The following ZFHX3 variants were observed in gnomAD, a reference collection of about 807,000 sequenced individuals.
ZFHX3 encodes zinc finger homeobox protein 3.
Under a neutral mutation model 279.1 loss-of-function variants are expected in ZFHX3, and 42 were observed. The observed-to-expected ratio is 0.15, with a 90% confidence interval of 0.12 to 0.19. ZFHX3 has a LOEUF of 0.19. Ranked by LOEUF, ZFHX3 falls within the 10% of genes least tolerant of loss-of-function variation. The pLI, the probability that ZFHX3 is intolerant of heterozygous loss-of-function variation, is 1.00. For synonymous variants in ZFHX3, 2,293 were observed against 1,957.8 expected (o/e 1.17, Z -4.52); for missense variants, 4,981 against 4,754.0 (o/e 1.05, Z -1.40).
chr16:72,881,308 A>G (rs2038463216), intron 4 of ZFHX3, among the ~76,000 whole-genome samples: 6 of 152,256 alleles, frequency 3.9e-5, no homozygotes, highest in Admixed American at 3.9e-4. Context: ...TCAGGAGACC[A>G]GAAAGCCCAG....
chr16:72,895,360 A>T (rs2038874193), intron 3 of ZFHX3, among the ~76,000 whole-genome samples: 1 of 152,216 alleles, frequency 6.6e-6, no homozygotes. Context: ...ACAAATTACT[A>T]ATGAGAAAGC....
At chr16:73,516,824 G>T (rs1213664752) in intron 2 of ZFHX3, among the ~76,000 whole-genome samples, 2 of 152,088 alleles carry the variant, frequency 1.3e-5, no homozygotes, top group Non-Finnish European at 2.9e-5. Context: ...GAATAGTTTG[G>T]GTGGATGGAC....
At chr16:72,963,243 G>T (rs1051977281) in intron 1 of ZFHX3, among the ~76,000 whole-genome samples, 1 of 152,090 alleles carries the variant, frequency 6.6e-6, no homozygotes, top group Non-Finnish European at 1.5e-5. Flanking sequence ...CCTAGTGCCA[G>T]GGCTAGCTGG....
intron 1 of ZFHX3, among the ~76,000 whole-genome samples, chr16:73,686,217 C>G (rs907847282): frequency 2.6e-5 from 4 of 152,114 alleles, no homozygotes; most frequent in African/African-American, 7.2e-5. Context: ...GCCTCAGCCT[C>G]CTGAGTAGCT....
At chr16:73,617,810 C>T (rs1342899907) in intron 2 of ZFHX3, among the ~76,000 whole-genome samples, 1 of 152,048 alleles carries the variant, frequency 6.6e-6, no homozygotes, top group Non-Finnish European at 1.5e-5. Flanking sequence ...TAAGAATTGA[C>T]ATCTTTTCTG....
intron 5 of ZFHX3, among the ~76,000 whole-genome samples, chr16:73,196,150 GT>G (rs11357649): frequency 0.017 from 1,772 of 104,878 alleles, 35 homozygotes; most frequent in African/African-American, 0.056. Flanking sequence ...TCTTGAAATA[GT>G]TTTTTTTTTT....
At chr16:73,729,559 A>C (rs80342644) in intron 1 of ZFHX3, among the ~76,000 whole-genome samples, 18 of 132,268 alleles carry the variant, frequency 1.4e-4, no homozygotes, top group South Asian at 2.5e-4. Flanking sequence ...CAAACCAAAA[A>C]AAAAAAAAAA....
chr16:73,775,757 G>A (rs975778659), intron 1 of ZFHX3, among the ~76,000 whole-genome samples: 11 of 152,246 alleles, frequency 7.2e-5, no homozygotes, highest in African/African-American at 2.6e-4. Flanking sequence ...TTTTAATAAG[G>A]CAGGTGTAGG....
At chr16:73,064,492 G>C (rs1464679283), upstream of ZFHX3, among the ~76,000 whole-genome samples, 1 of 152,036 alleles carries the variant, frequency 6.6e-6, no homozygotes, top group Admixed American at 6.6e-5. Context: ...CCTGGGGCAA[G>C]GGGGAGGGAA....
At chr16:73,325,132 G>C (rs1254236234) in intron 3 of ZFHX3, among the ~76,000 whole-genome samples, 1 of 152,170 alleles carries the variant, frequency 6.6e-6, no homozygotes, top group Non-Finnish European at 1.5e-5. Context: ...AACACAGGGG[G>C]CCCTGGAGTA....
chr16:73,001,624 G>A (rs1022651669), intron 1 of ZFHX3, among the ~76,000 whole-genome samples: 4 of 152,018 alleles, frequency 2.6e-5, no homozygotes, highest in African/African-American at 9.7e-5. Flanking sequence ...ACCAGCCTGG[G>A]CAAGATAGCA....
At chr16:73,055,847 TACAC>T (rs10672414) in intron 1 of ZFHX3, among the ~76,000 whole-genome samples, 16 of 138,694 alleles carry the variant, frequency 1.2e-4, no homozygotes, top group Admixed American at 3.5e-4. Context: ...CCTACAACTC[TACAC>T]ACACACACAC....
chr16:73,290,105 G>A (rs1294791946), intron 4 of ZFHX3, among the ~76,000 whole-genome samples: 1 of 151,746 alleles, frequency 6.6e-6, no homozygotes, highest in Admixed American at 6.6e-5. Context: ...TAAATCACAA[G>A]GTTTCAAACA....
chr16:73,822,071 C>T (rs1398391251), intron 1 of ZFHX3, among the ~76,000 whole-genome samples: 1 of 152,192 alleles, frequency 6.6e-6, no homozygotes, highest in Non-Finnish European at 1.5e-5. Context: ...TCTTCAGTCA[C>T]ATAGAAAGAC....
In ZFHX3 at chr16:72,833,327, T is replaced by C. The variant is rs574698332; in HGVS notation, c.3449-3468A>G. On this transcript the variant is annotated intron_variant, in intron 4 of 9. Coordinates refer to ENST00000268489, the MANE Select transcript of ZFHX3 (RefSeq NM_006885.4). ...GAATGGAGGGGAGGTTTTTTGCTTT[T>C]CCCCCCACAGATCATGGATTGCATT... Among the ~76,000 whole-genome samples, 29 of 152,192 alleles carry C rather than the reference T, an allele frequency of 1.9e-4. No individual in the cohort carries two copies. In the East Asian group the frequency reaches 2.3e-3, roughly 12 times the overall value.
At chr16:73,876,855 A>G (rs548685213) in intron 1 of ZFHX3, among the ~76,000 whole-genome samples, 2 of 152,074 alleles carry the variant, frequency 1.3e-5, no homozygotes, top group African/African-American at 4.8e-5. Flanking sequence ...CCACCTTCAC[A>G]CACAGACACA....
At chr16:73,181,603 G>A (rs1967797484) in intron 5 of ZFHX3, among the ~76,000 whole-genome samples, 1 of 152,154 alleles carries the variant, frequency 6.6e-6, no homozygotes, top group Non-Finnish European at 1.5e-5. Flanking sequence ...TGTAACCCAA[G>A]TTCTATCCCC....
intron 3 of ZFHX3, among the ~76,000 whole-genome samples, chr16:72,899,255 C>T (rs8055341): frequency 6.6e-6 from 1 of 152,010 alleles, no homozygotes; most frequent in Non-Finnish European, 1.5e-5. Flanking sequence ...TGGTAGGGAT[C>T]TGGTGGGAGG....
At chr16:73,321,157 C>T (rs751105183) in intron 3 of ZFHX3, among the ~76,000 whole-genome samples, 2 of 152,210 alleles carry the variant, frequency 1.3e-5, no homozygotes. Context: ...CACTCTCATC[C>T]CCACATTTCT....
Sources: allele counts gnomAD v4.1 joint callset (sites outside exome capture counted in the v4.1 genomes callset), GRCh38; gene constraint gnomAD v4.1.1; transcripts MANE v1.5; gene names NCBI Gene and HGNC (gene_info 2026-07-23, HGNC 2026-07-21).